Variants in MGA observed in about 807,000 individuals in gnomAD.
MGA encodes MAX gene-associated protein.
Under a neutral mutation model 261.1 loss-of-function variants are expected in MGA, and 40 were observed. The observed-to-expected ratio is 0.15, with a 90% CI of 0.12 to 0.20. The LOEUF is 0.20. Ranked by LOEUF, MGA falls within the 10% of genes least tolerant of loss-of-function variation. MGA has a pLI of 1.00. For synonymous variants in MGA, 1,302 were observed against 1,290.6 expected, an observed-to-expected ratio of 1.01 and a Z score of -0.19; for missense variants, 3,397 against 3,630.5, an observed-to-expected ratio of 0.94 and a Z score of 1.65.
chr15:41,726,345 A>G (rs1267572449), intron 9 of MGA, among the ~76,000 whole-genome samples: 1 of 152,232 alleles, frequency 6.6e-6, no homozygotes, highest in Non-Finnish European at 1.5e-5. Context: ...AGTGCTTAGC[A>G]CAGGTGCTTA....
chr15:41,711,093 C>T lies in MGA; in HGVS notation c.2828C>T (p.Ser943Leu), dbSNP rs1378155066. 6.2e-7 allele frequency: 1 copy of T among 1,614,044 alleles called. No individual in the cohort carries two copies. The highest frequency in any genetic ancestry group is 8.5e-7 in the Non-Finnish European group (1 of 1,179,892). The change falls in exon 8 of 24, where the codon TCA (serine) becomes TTA (leucine). Residue 943 changes from serine to leucine, a missense_variant. This residue lies in a region of MGA where 519 missense variants were observed against 554.1 expected (regional missense o/e 0.94). Coordinates refer to ENST00000219905, the MANE Select transcript of MGA (RefSeq NM_001164273.2). ...GGAGATAAGGTTACCAAGAATTCTT[C>T]AGGCATCATCTCAGAAAATCAGGCG...
upstream of MGA, among the ~76,000 whole-genome samples, chr15:41,656,480 C>T (rs546483998): frequency 5.2e-4 from 78 of 150,804 alleles, no homozygotes; most frequent in Admixed American, 3.8e-3. Flanking sequence ...TGGCTGGGAC[C>T]GCAGATGCAC....
chr15:41,653,990 A>C (rs2057117505), intron 1 of MGA, among the ~76,000 whole-genome samples: 1 of 152,118 alleles, frequency 6.6e-6, no homozygotes, highest in South Asian at 2.1e-4. Context: ...TCCTGTTTTC[A>C]GTGTCTCCCC....
chr15:41,709,821 T>G (rs1476792154), intron 7 of MGA, among the ~76,000 whole-genome samples: 7 of 150,968 alleles, frequency 4.6e-5, no homozygotes, highest in Admixed American at 4.6e-4. Context: ...TGTGTTTTTC[T>G]TTTCTTTTCT....
In MGA at chr15:41,766,074, A is replaced by G. The variant is rs767289538; in HGVS notation, c.7992A>G (p.Val2664=). 6.2e-6 allele frequency: 10 copies of G among 1,613,860 alleles called. No individual in the cohort carries two copies. The highest frequency in any genetic ancestry group is 1.7e-6 in the Non-Finnish European group (2 of 1,179,872). The change falls in exon 24 of 24, where the codon GTA becomes GTG. Residue 2664 remains valine (V), a synonymous_variant. Coordinates refer to ENST00000219905, the MANE Select transcript of MGA (RefSeq NM_001164273.2). ...CATTGGCCACAGAGGGAGGTTTGGT[A>G]GATATGGGTGGCAGCAAATATCCTC...
rs763323267 is a variant in MGA at position 41,740,036 on chromosome 15, G to A, written c.4435-17G>A. The A allele has an allele frequency of 1.2e-6, 2 of 1,613,978 alleles. No homozygotes were observed. The highest frequency in any genetic ancestry group is 1.7e-5 in the Admixed American group (1 of 60,018). On this transcript the variant is annotated splice_polypyrimidine_tract_variant and intron_variant, in intron 13 of 23. Transcript: ENST00000219905. ...TCAGTCCTGGACCTCTCAACCCTCA[G>A]TACTGTCATCTCCAAGGTAGCATCC...
At chr15:41,745,971 G>A (rs2151888951) in intron 15 of MGA, among the ~76,000 whole-genome samples, 1 of 152,304 alleles carries the variant, frequency 6.6e-6, no homozygotes. Flanking sequence ...TCAGGTAACT[G>A]CTACTTAAGG....
intron 22 of MGA, among the ~76,000 whole-genome samples, chr15:41,763,027 C>T (rs1198594323): frequency 6.6e-6 from 1 of 150,886 alleles, no homozygotes; most frequent in Non-Finnish European, 1.5e-5. Context: ...CTAGCTGAGA[C>T]CAATAAATGG....
chr15:41,717,499 C>T (rs1013965458), intron 9 of MGA, among the ~76,000 whole-genome samples: 1 of 152,098 alleles, frequency 6.6e-6, no homozygotes, highest in African/African-American at 2.4e-5. Flanking sequence ...TTATGAACAA[C>T]TTTATGTCAG....
chr15:41,722,210 A>G (rs1468885351), intron 9 of MGA, among the ~76,000 whole-genome samples: 1 of 145,808 alleles, frequency 6.9e-6, no homozygotes, highest in Non-Finnish European at 1.5e-5. Flanking sequence ...GCTCACTGCA[A>G]ACTCCGCCTC....
At chr15:41,709,650 G>C (rs190354226) in intron 7 of MGA, among the ~76,000 whole-genome samples, 7 of 151,994 alleles carry the variant, frequency 4.6e-5, no homozygotes, top group Admixed American at 4.6e-4. Context: ...TGCCCAGCCT[G>C]GTCTTGAACT....
intron 11 of MGA, 75 bp downstream of exon 11, chr15:41,729,424 A>G: frequency 1.5e-6 from 2 of 1,374,884 alleles, no homozygotes; most frequent in South Asian, 1.4e-5. Flanking sequence ...TATTACTATC[A>G]GAATAATAAT....
At chr15:41,740,359 G>C (rs931827039) in intron 14 of MGA, among the ~76,000 whole-genome samples, 156 bp downstream of exon 14, 2 of 151,844 alleles carry the variant, frequency 1.3e-5, no homozygotes, top group African/African-American at 2.4e-5. Context: ...GATTGTTTGG[G>C]GTTAACGTCT....
At chr15:41,662,240 G>T (rs1010516236) in intron 1 of MGA, among the ~76,000 whole-genome samples, 1 of 152,156 alleles carries the variant, frequency 6.6e-6, no homozygotes, top group Non-Finnish European at 1.5e-5. Flanking sequence ...CTTACTTCAA[G>T]TTTGACTACT....
At position 41,750,088 on chromosome 15, in the gene MGA, A is replaced by AAGG. The variant is rs758466576; in HGVS notation, c.6483_6485dup (p.Glu2162dup). ...TAATCTACAGCCAGAGGCCAAAGAG[A>AAGG]AGGAATGTGGAGACTCTCTGGAGAA... On this transcript the variant is annotated inframe_insertion, in exon 17 of 24. Coordinates refer to ENST00000219905, the MANE Select transcript of MGA (RefSeq NM_001164273.2). 35 of 1,613,276 alleles carry AAGG rather than the reference A, an allele frequency of 2.2e-5. No homozygotes were observed. The highest frequency in any genetic ancestry group is 2.7e-5 in the Non-Finnish European group (32 of 1,179,674).
intron 1 of MGA, among the ~76,000 whole-genome samples, chr15:41,624,453 A>G (rs1373181412): frequency 1.3e-5 from 2 of 150,360 alleles, no homozygotes; most frequent in African/African-American, 2.5e-5. Context: ...GATAGGGTCC[A>G]GGTAGCTGGG....
At chr15:41,732,994 A>T (rs539274410) in intron 11 of MGA, among the ~76,000 whole-genome samples, 1 of 152,098 alleles carries the variant, frequency 6.6e-6, no homozygotes, top group Non-Finnish European at 1.5e-5. Flanking sequence ...AGTCTCGCTC[A>T]GCCACCCAGG....
At chr15:41,645,536 AT>A (rs747459252) in intron 1 of MGA, among the ~76,000 whole-genome samples, 231 of 152,310 alleles carry the variant, frequency 1.5e-3, no homozygotes, top group Admixed American at 3.2e-3. Context: ...GTGAGCTGAG[AT>A]TGTGCCACTG....
intron 2 of MGA, among the ~76,000 whole-genome samples, chr15:41,680,608 C>T (rs1437993286): frequency 6.6e-6 from 1 of 152,142 alleles, no homozygotes; most frequent in Admixed American, 6.6e-5. Flanking sequence ...CAGGAAAACA[C>T]TGTATTTAGA....
Sources: allele counts gnomAD v4.1 joint callset (sites outside exome capture counted in the v4.1 genomes callset), GRCh38; gene constraint gnomAD v4.1.1; regional missense constraint gnomAD v4.1.1; transcripts MANE v1.5; gene names NCBI Gene and HGNC (gene_info 2026-07-23, HGNC 2026-07-21).